The following MGAT4C variants were observed in gnomAD, a reference collection of about 807,000 sequenced individuals.
MGAT4C encodes alpha-1,3-mannosyl-glycoprotein 4-beta-N-acetylglucosaminyltransferase C.
Under a neutral mutation model 40.1 loss-of-function variants are expected in MGAT4C, and 19 were observed. The ratio of observed to expected loss-of-function variants is 0.47; its 90% CI spans 0.33 to 0.70. MGAT4C has a LOEUF of 0.70. Ranked by LOEUF, MGAT4C falls within the 30% of genes least tolerant of loss-of-function variation. The pLI is 0.02. For missense variants in MGAT4C, 491 were observed against 563.2 expected (o/e 0.87, Z 1.30); for synonymous variants, 181 against 187.1 (o/e 0.97, Z 0.27).
intron 2 of MGAT4C, among the ~76,000 whole-genome samples, chr12:86,030,515 G>C (rs1890649010): frequency 6.6e-6 from 1 of 151,594 alleles, no homozygotes; most frequent in South Asian, 2.1e-4. Context: ...ACACTGAAAA[G>C]GTTTACTAGT....
chr12:86,797,246 G>C (rs931494882), intron 1 of MGAT4C, among the ~76,000 whole-genome samples: 3 of 151,298 alleles, frequency 2.0e-5, no homozygotes, highest in South Asian at 4.2e-4. Context: ...AATTTCAAGC[G>C]CCTTCCCATT....
intron 1 of MGAT4C, among the ~76,000 whole-genome samples, chr12:86,109,278 T>C (rs1428010780): frequency 6.6e-6 from 1 of 152,144 alleles, no homozygotes; most frequent in East Asian, 1.9e-4. Flanking sequence ...CCTCTTTTTG[T>C]GGAGAGTTTC....
At chr12:86,366,647 A>G (rs1220424832) in intron 3 of MGAT4C, among the ~76,000 whole-genome samples, 1 of 152,194 alleles carries the variant, frequency 6.6e-6, no homozygotes. Context: ...TGACGAAATC[A>G]TTTATACTCC....
At chr12:86,043,979 GTT>G (rs907339882) in intron 2 of MGAT4C, among the ~76,000 whole-genome samples, 2 of 152,166 alleles carry the variant, frequency 1.3e-5, no homozygotes, top group African/African-American at 4.8e-5. Context: ...TTCTTCTCTG[GTT>G]TTTTCTCATC....
chr12:86,148,936 G>C (rs899470245), intron 1 of MGAT4C, among the ~76,000 whole-genome samples: 2 of 152,084 alleles, frequency 1.3e-5, no homozygotes, highest in African/African-American at 4.8e-5. Context: ...AAGCACTGCT[G>C]TGCCCCCCTA....
At chr12:86,618,267 C>T (rs982327486) in intron 2 of MGAT4C, among the ~76,000 whole-genome samples, 3 of 152,036 alleles carry the variant, frequency 2.0e-5, no homozygotes, top group African/African-American at 7.2e-5. Flanking sequence ...AATAGTATGG[C>T]GATTTCCCCA....
intron 2 of MGAT4C, among the ~76,000 whole-genome samples, chr12:86,707,747 T>C (rs888269834): frequency 2.6e-5 from 4 of 151,998 alleles, no homozygotes; most frequent in Non-Finnish European, 5.9e-5. Flanking sequence ...CCCAGGCTGG[T>C]CTTAAACTCC....
intron 1 of MGAT4C, among the ~76,000 whole-genome samples, chr12:86,200,463 A>G (rs1950009002): frequency 6.6e-6 from 1 of 151,990 alleles, no homozygotes; most frequent in Non-Finnish European, 1.5e-5. Flanking sequence ...AATCTTATAC[A>G]CTACCAGTAT....
intron 2 of MGAT4C, among the ~76,000 whole-genome samples, chr12:86,622,723 T>C (rs930760564): frequency 6.6e-6 from 1 of 152,002 alleles, no homozygotes; most frequent in African/African-American, 2.4e-5. Context: ...TAAACAAGTT[T>C]AAAAAATTAC....
chr12:86,402,593 C>T (rs1956388980), intron 3 of MGAT4C, among the ~76,000 whole-genome samples: 1 of 151,988 alleles, frequency 6.6e-6, no homozygotes, highest in African/African-American at 2.4e-5. Context: ...AAATAGATAT[C>T]AGTAGACAGA....
intron 2 of MGAT4C, among the ~76,000 whole-genome samples, chr12:86,532,079 C>T (rs1958995725): frequency 6.6e-6 from 1 of 151,902 alleles, no homozygotes; most frequent in South Asian, 2.1e-4. Context: ...GATTCTTTAA[C>T]TTAGGAATAG....
chr12:86,583,385 A>T (rs1459463474), intron 2 of MGAT4C, among the ~76,000 whole-genome samples: 1 of 151,396 alleles, frequency 6.6e-6, no homozygotes, highest in Non-Finnish European at 1.5e-5. Context: ...AACAAAAGTA[A>T]TAAAGAAAAC....
intron 1 of MGAT4C, among the ~76,000 whole-genome samples, chr12:86,098,114 A>G (rs1874287785): frequency 6.6e-6 from 1 of 151,682 alleles, no homozygotes; most frequent in Non-Finnish European, 1.5e-5. Context: ...CTCAAGTCAT[A>G]TTATATGTAA....
At chr12:86,609,038 A>G (rs1006414862) in intron 2 of MGAT4C, among the ~76,000 whole-genome samples, 1 of 152,204 alleles carries the variant, frequency 6.6e-6, no homozygotes, top group Non-Finnish European at 1.5e-5. Flanking sequence ...GACAAAAAAG[A>G]GCATGCCAAA....
At chr12:86,042,765 G>A (rs1017958581) in intron 2 of MGAT4C, among the ~76,000 whole-genome samples, 2 of 151,506 alleles carry the variant, frequency 1.3e-5, no homozygotes, top group Non-Finnish European at 2.9e-5. Flanking sequence ...CTACTCGGGA[G>A]GCTGAGGCAG....
At chr12:86,607,809 T>A in intron 2 of MGAT4C, among the ~76,000 whole-genome samples, 1 of 152,130 alleles carries the variant, frequency 6.6e-6, no homozygotes, top group East Asian at 1.9e-4. Flanking sequence ...TTGTAAAACT[T>A]AGTAAAATAA....
intron 1 of MGAT4C, among the ~76,000 whole-genome samples, chr12:86,739,682 G>A (rs1951037495): frequency 6.6e-6 from 1 of 150,834 alleles, no homozygotes; most frequent in African/African-American, 2.4e-5. Flanking sequence ...CTATAAATGA[G>A]GATATGCACA....
intron 4 of MGAT4C, among the ~76,000 whole-genome samples, chr12:86,319,106 C>A (rs1275392967): frequency 6.6e-6 from 1 of 152,094 alleles, no homozygotes; most frequent in Non-Finnish European, 1.5e-5. Flanking sequence ...TTCTGACAGA[C>A]CACAGATAAC....
chr12:86,281,099 T>C (rs1018708430), intron 4 of MGAT4C, among the ~76,000 whole-genome samples: 12 of 152,204 alleles, frequency 7.9e-5, no homozygotes, highest in East Asian at 1.9e-4. Context: ...GTTGCATACA[T>C]TTTTGTTATT....
Sources: gnomAD v4.1 joint callset for allele counts (sites outside exome capture counted in the v4.1 genomes callset) on GRCh38, gnomAD v4.1.1 for gene constraint, MANE v1.5 for transcripts, NCBI Gene and HGNC (gene_info 2026-07-23, HGNC 2026-07-21) for gene names.